RBFOX1: variants seen among roughly 807,000 people sequenced by gnomAD.
The protein encoded by RBFOX1 is RNA binding fox-1 homolog 1.
A neutral mutation model predicts 57.7 loss-of-function variants in RBFOX1; 8 were observed. The ratio of observed to expected loss-of-function variants is 0.14; its 90% confidence interval spans 0.08 to 0.25. RBFOX1 has a LOEUF of 0.25. Ranked by LOEUF, RBFOX1 falls within the 10% of genes least tolerant of loss-of-function variation. The pLI is 1.00. For synonymous variants in RBFOX1, 326 were observed against 222.4 expected, an observed-to-expected ratio of 1.47 and a Z score of -4.15; for missense variants, 611 against 548.5, an observed-to-expected ratio of 1.11 and a Z score of -1.14.
chr16:6,376,681 T>A (rs1159796512), intron 2 of RBFOX1, among the ~76,000 whole-genome samples: 2 of 152,188 alleles, frequency 1.3e-5, no homozygotes, highest in African/African-American at 4.8e-5. Context: ...TCATGACTCC[T>A]GTGTTAGCTT....
At chr16:5,611,802 C>CCACT (rs1168975934) in intron 3 of RBFOX1, among the ~76,000 whole-genome samples, 4 of 132,554 alleles carry the variant, frequency 3.0e-5, no homozygotes, top group Non-Finnish European at 6.5e-5. Flanking sequence ...ATCCACCCAC[C>CCACT]CACCCACCCA....
chr16:5,729,136 A>G (rs773838509), intron 3 of RBFOX1, among the ~76,000 whole-genome samples: 2 of 152,218 alleles, frequency 1.3e-5, no homozygotes, highest in Non-Finnish European at 2.9e-5. Context: ...AGACTTTGGA[A>G]ACTGGGAGAC....
chr16:6,432,837 G>A (rs1246975770), intron 2 of RBFOX1, among the ~76,000 whole-genome samples: 1 of 152,060 alleles, frequency 6.6e-6, no homozygotes, highest in African/African-American at 2.4e-5. Flanking sequence ...ACTTAGCTGG[G>A]CGTGGTGGTG....
At chr16:6,605,384 T>C (rs375770513) in intron 2 of RBFOX1, among the ~76,000 whole-genome samples, 33 of 152,102 alleles carry the variant, frequency 2.2e-4, no homozygotes, top group East Asian at 1.3e-3. Context: ...TAGTTTGGAG[T>C]TTTGCTTTAT....
intron 3 of RBFOX1, among the ~76,000 whole-genome samples, chr16:7,042,265 G>A (rs1048314851): frequency 6.6e-6 from 1 of 152,192 alleles, no homozygotes; most frequent in Non-Finnish European, 1.5e-5. Context: ...CTAAGGACAA[G>A]TGAGGCGCAG....
rs141169749 is a variant in RBFOX1, at chr16:6,971,587, C to G, written c.-15-80470C>G. Among the ~76,000 whole-genome samples, 42 of 152,094 alleles carry G rather than the reference C, an allele frequency of 2.8e-4. 1 individual carries two copies. The highest frequency in any genetic ancestry group is 1.7e-3 in the Admixed American group (26 of 15,262). The stretch of plus-strand genomic sequence containing the variant: ...CCCAGTTTACATTATTAAAAGATCA[C>G]CAGCTGTTACATGGAATATGGTGTA... On this transcript the variant is annotated intron_variant, in intron 3 of 15. Transcript: ENST00000550418.
intron 2 of RBFOX1, among the ~76,000 whole-genome samples, chr16:5,498,992 C>A (rs1046265282): frequency 6.6e-6 from 1 of 152,110 alleles, no homozygotes; most frequent in Admixed American, 6.6e-5. Context: ...ATTCTAGAAC[C>A]CCAGCCTCTA....
intron 4 of RBFOX1, among the ~76,000 whole-genome samples, chr16:5,868,937 A>G (rs544800759): frequency 1.9e-4 from 29 of 152,294 alleles, no homozygotes; most frequent in African/African-American, 6.7e-4. Context: ...CCATTTATTT[A>G]TAATTGCACT....
chr16:7,610,156 G>C (rs1045925708), intron 10 of RBFOX1, among the ~76,000 whole-genome samples: 4 of 74,906 alleles, frequency 5.3e-5, no homozygotes, highest in Admixed American at 3.6e-4. Context: ...GTTTTGCTCT[G>C]TTGCCCAGGC....
At chr16:6,275,802 A>G (rs1403795973) in intron 1 of RBFOX1, among the ~76,000 whole-genome samples, 1 of 152,222 alleles carries the variant, frequency 6.6e-6, no homozygotes, top group East Asian at 1.9e-4. Context: ...AATTAGTATG[A>G]TAAAGGTAAC....
chr16:5,712,134 C>A lies in RBFOX1; in HGVS notation c.318+113173C>A, dbSNP rs147787905. On this transcript the variant is annotated intron_variant, in intron 3 of 19. Transcript: ENST00000641259. ...AACCATTACATCTTGTGAGAGCTCA[C>A]TCTCTATCATGAGAGCAGCATAGGC... 1.2e-3 allele frequency among the ~76,000 whole-genome samples: 184 copies of A among 152,268 alleles called. 1 individual carries two copies. Among genetic ancestry groups the A allele is most frequent in the Middle Eastern group, 3.4e-3 (1 of 294 alleles).
In RBFOX1 at chr16:5,838,381, G is replaced by C. The variant is rs990619342; in HGVS notation, c.319-28922G>C. 203 of 159,370 alleles carry C rather than the reference G, an allele frequency of 1.3e-3. 1 individual carries two copies. The highest frequency in any genetic ancestry group is 1.6e-3 in the Non-Finnish European group (110 of 70,130). 9.9% of individuals were successfully genotyped at this position (159,370 alleles called of 1,614,324 possible). On this transcript the variant is annotated intron_variant, in intron 3 of 19. Coordinates refer to the RBFOX1 transcript ENST00000641259. ...TGCCACCCAGTAGTTGCTGATGGCT[G>C]TCTGGTGGTCGTTAAATCATTGCAG...
chr16:6,864,053 C>G (rs1279139118), intron 3 of RBFOX1, among the ~76,000 whole-genome samples: 1 of 149,348 alleles, frequency 6.7e-6, no homozygotes, highest in Non-Finnish European at 1.5e-5. Flanking sequence ...CTAGCAAAAG[C>G]TGAACCTTCT....
At chr16:5,497,419 G>A (rs866125365) in intron 2 of RBFOX1, among the ~76,000 whole-genome samples, 78 of 151,962 alleles carry the variant, frequency 5.1e-4, no homozygotes, top group African/African-American at 1.8e-3. Flanking sequence ...CCTTGACTAT[G>A]TGCTATGTAT....
intron 1 of RBFOX1, among the ~76,000 whole-genome samples, chr16:5,248,117 G>A (rs1028743719): frequency 1.3e-5 from 2 of 152,230 alleles, no homozygotes; most frequent in Admixed American, 1.3e-4. Context: ...AGTGAGGCCG[G>A]CTGTCTTGGC....
rs541096568 is a variant in RBFOX1, at chr16:7,183,769, C to T, written c.27+131671C>T. On this transcript the variant is annotated intron_variant, in intron 4 of 15. Transcript: ENST00000550418. ...ACAAAATTGATAAAGCTTAGGAGGA[C>T]ATTTCATCTCCTTTCAGTGTGGTTC... 7.5e-4 allele frequency among the ~76,000 whole-genome samples: 114 copies of T among 152,308 alleles called. 1 individual carries two copies. Among genetic ancestry groups the T allele is most frequent in the African/African-American group, 2.5e-3 (105 of 41,558 alleles).
chr16:7,177,119 A>G (rs555772723), intron 4 of RBFOX1, among the ~76,000 whole-genome samples: 1 of 152,342 alleles, frequency 6.6e-6, no homozygotes, highest in African/African-American at 2.4e-5. Flanking sequence ...GTATTGTAGA[A>G]CTGTGCAAAG....
chr16:6,742,973 TCA>T (rs2072645701), intron 3 of RBFOX1, among the ~76,000 whole-genome samples: 1 of 152,168 alleles, frequency 6.6e-6, no homozygotes, highest in Non-Finnish European at 1.5e-5. Context: ...TTTATCAATG[TCA>T]ATATCATATA....
At chr16:6,891,931 T>A (rs1219530100) in intron 3 of RBFOX1, among the ~76,000 whole-genome samples, 1 of 152,242 alleles carries the variant, frequency 6.6e-6, no homozygotes, top group East Asian at 1.9e-4. Flanking sequence ...AGCAAGTCGG[T>A]TTTCTGAGAA....
Sources: allele counts gnomAD v4.1 joint callset (sites outside exome capture counted in the v4.1 genomes callset), GRCh38; gene constraint gnomAD v4.1.1; transcripts MANE v1.5; gene names NCBI Gene and HGNC (gene_info 2026-07-23, HGNC 2026-07-21).